The following CHRND variants were observed in gnomAD, a reference collection of about 807,000 sequenced individuals.
CHRND encodes acetylcholine receptor subunit delta.
CHRND carries 40 observed loss-of-function variants against 57.8 expected under a neutral mutation model. The observed-to-expected ratio is 0.69, with a 90% CI of 0.54 to 0.90. CHRND has a LOEUF of 0.90. Among genes scored for constraint, CHRND ranks in the 40% least tolerant of loss-of-function variants. The probability of loss-of-function intolerance (pLI) is 0.00; values close to 1 mark genes in which losing one functional copy is unlikely to be tolerated. For missense variants in CHRND, 634 were observed against 673.9 expected, an observed-to-expected ratio of 0.94 and a Z score of 0.66; for synonymous variants, 237 against 270.6, an observed-to-expected ratio of 0.88 and a Z score of 1.22.
At chr2:232,534,487 C>A (rs186532332) in intron 11 of CHRND, 145 bp downstream of exon 11, 18 of 877,106 alleles carry the variant, frequency 2.1e-5, no homozygotes, top group Non-Finnish European at 3.4e-5. Context: ...CAGGCCCCCC[C>A]GCCAGGGAGA....
chr2:232,526,842 C>T (rs1457552821), intron 2 of CHRND, among the ~76,000 whole-genome samples, 168 bp downstream of exon 2: 1 of 152,226 alleles, frequency 6.6e-6, no homozygotes, highest in Non-Finnish European at 1.5e-5. Context: ...CCTGCCCCTC[C>T]AGTGTCAGCT....
In CHRND at chr2:232,528,361, C is replaced by T; in HGVS notation, c.343C>T (p.Leu115=). 1 of 1,614,130 alleles carries T rather than the reference C, an allele frequency of 6.2e-7. No individual in the cohort carries two copies. The highest frequency in any genetic ancestry group is 8.5e-7 in the Non-Finnish European group (1 of 1,180,000). ...PDMVWLPEIV[L]ENNNDGSFQI... ...CATGGTGTGGCTCCCAGAGATTGTG[C>T]TGGAGAACAAGTTGAGCCAAGCCCT... Residue 115 remains leucine, a synonymous_variant, in exon 4 of 12, where the codon CTG becomes TTG. Transcript: ENST00000258385.
intron 1 of CHRND, 107 bp downstream of exon 1, chr2:232,526,374 G>T (rs1186719029): frequency 6.6e-7 from 1 of 1,516,530 alleles, no homozygotes; most frequent in East Asian, 2.3e-5. Flanking sequence ...ATCTCTCCCT[G>T]TGGGGGGCCG....
At position 232,530,006 on chromosome 2, in the gene CHRND, C is replaced by T; in HGVS notation, c.687C>T (p.Asp229=). ...ACGTGGACCCCAGAGCCCCTCTGGA[C>T]AGCCCCAGCCGCCAGGACATCACCT... ...RVNVDPRAPL[D]SPSRQDITFY... Residue 229 remains aspartate, a synonymous_variant, in exon 7 of 12, where the codon GAC becomes GAT. Transcript: ENST00000258385. 6.2e-7 allele frequency: 1 copy of T among 1,614,170 alleles called. No homozygotes were observed. Among genetic ancestry groups the T allele is most frequent in the Non-Finnish European group, 8.5e-7 (1 of 1,180,032 alleles).
Position 232,528,846 on chromosome 2 carries a change from C to G in CHRND, c.510-16C>G. On this transcript the variant is annotated splice_polypyrimidine_tract_variant and intron_variant, in intron 5 of 11. Coordinates refer to ENST00000258385, the MANE Select transcript of CHRND (RefSeq NM_000751.3). ...CCACTGGCCGAGTGTCACTCTCTGC[C>G]CATTGCCCTCCCCAGTTCCCTCAAG... The G allele has an allele frequency of 3.7e-6, 6 of 1,606,658 alleles. No homozygotes were observed. The highest frequency in any genetic ancestry group is 5.1e-6 in the Non-Finnish European group (6 of 1,173,238).
rs929884989 is a variant in CHRND at position 232,534,221 on chromosome 2, T to C, written c.1253-3T>C. 6.2e-7 allele frequency: 1 copy of C among 1,614,160 alleles called. No homozygotes were observed. Among genetic ancestry groups the C allele is most frequent in the Middle Eastern group, 1.7e-4 (1 of 6,058 alleles). ...CACACCCACTCTGGCCCCTCGTCTG[T>C]AGGCCGGCCCCCAGCAAGCTCTGAG... On this transcript the variant is annotated splice_region_variant and splice_polypyrimidine_tract_variant and intron_variant, in intron 10 of 11. Coordinates refer to ENST00000258385, the MANE Select transcript of CHRND (RefSeq NM_000751.3).
In CHRND at chr2:232,535,379, C is replaced by A; in HGVS notation, c.*67C>A. 6.4e-7 allele frequency: 1 copy of A among 1,573,586 alleles called. No individual in the cohort carries two copies. The highest frequency in any genetic ancestry group is 8.7e-7 in the Non-Finnish European group (1 of 1,154,690). ...GAGGAGCCACAGTCCCTAATGACAC[C>A]CACTCCTAGCCCTGAGGCTCGTGCC... On this transcript the variant is annotated 3_prime_UTR_variant, in exon 12 of 12. Coordinates refer to ENST00000258385, the MANE Select transcript of CHRND (RefSeq NM_000751.3).
chr2:232,527,308 A>AAAAAAG, intron 2 of CHRND, 93 bp from the exon 3 acceptor site: 1 of 1,139,366 alleles, frequency 8.8e-7, no homozygotes, highest in Non-Finnish European at 1.3e-6. Flanking sequence ...CCTGGAAAAA[A>AAAAAAG]AAAGAGAGAG....
chr2:232,534,213 C>G lies in CHRND; in HGVS notation c.1253-11C>G, dbSNP rs764979491. ...GCAGGCCTCACACCCACTCTGGCCC[C>G]TCGTCTGTAGGCCGGCCCCCAGCAA... On this transcript the variant is annotated splice_polypyrimidine_tract_variant and intron_variant, in intron 10 of 11. Coordinates refer to ENST00000258385, the MANE Select transcript of CHRND (RefSeq NM_000751.3). 1.9e-6 allele frequency: 3 copies of G among 1,614,164 alleles called. No homozygotes were observed. Among genetic ancestry groups the G allele is most frequent in the Non-Finnish European group, 2.5e-6 (3 of 1,180,030 alleles).
chr2:232,528,221 T>G (rs1005203401), intron 3 of CHRND, 41 bp from the exon 4 acceptor site: 1 of 1,583,192 alleles, frequency 6.3e-7, no homozygotes, highest in Non-Finnish European at 8.7e-7. Flanking sequence ...GGAGCCTGGA[T>G]GGCTGCAGAG....
chr2:232,527,411 A>C lies in CHRND; in HGVS notation c.209A>C (p.Glu70Ala), dbSNP rs773355463. 7 of 1,613,272 alleles carry C rather than the reference A, an allele frequency of 4.3e-6. No homozygotes were observed. The highest frequency in any genetic ancestry group is 1.7e-5 in the Admixed American group (1 of 59,996). The change falls in exon 3 of 12, where the codon GAG (glutamate) becomes GCG (alanine). Residue 70 changes from glutamate (E) to alanine (A), a missense_variant. Physicochemically the swap from Glu to Ala is moderately radical, Grantham distance 107. Transcript: ENST00000258385. Reference sequence around the variant, plus strand: ...ACCGTCTAATTACAGAAAGAAGTTGAGGAGACCCTCACTACCAATGTGTGG... The same window carrying C: ...ACCGTCTAATTACAGAAAGAAGTTGCGGAGACCCTCACTACCAATGTGTGG... Reference protein sequence around the residue: ...LSNLISLKEVEETLTTNVWIE... With the variant: ...LSNLISLKEVAETLTTNVWIE...
chr2:232,528,473 C>T (rs1270311556), intron 4 of CHRND, 28 bp from the exon 5 acceptor site: 48 of 1,613,980 alleles, frequency 3.0e-5, no homozygotes, highest in Non-Finnish European at 3.9e-5. Context: ...GGCCAGAGCT[C>T]ACTATGGTTC....
intron 9 of CHRND, among the ~76,000 whole-genome samples, chr2:232,533,564 G>A (rs766129831): frequency 6.6e-6 from 1 of 152,146 alleles, no homozygotes; most frequent in Non-Finnish European, 1.5e-5. Context: ...GTTAGGATGT[G>A]TAAAGGTCAC....
At chr2:232,526,764 C>A (rs1691486818) in intron 2 of CHRND, 90 bp downstream of exon 2, 1 of 1,408,948 alleles carries the variant, frequency 7.1e-7, no homozygotes, top group Admixed American at 1.8e-5. Flanking sequence ...GAAGCCCCCA[C>A]CTGGCCTATG....
chr2:232,535,742 C>T lies in CHRND; in HGVS notation c.*430C>T, dbSNP rs1691867850. 1 of 457,270 alleles carries T rather than the reference C, an allele frequency of 2.2e-6. No individual in the cohort carries two copies. The highest frequency in any genetic ancestry group is 4.4e-6 in the Non-Finnish European group (1 of 229,052). The allele number at this position is 457,270 out of a possible 1,614,324, so 28.3% of individuals were successfully genotyped here. A position where few individuals can be genotyped will look rare whatever the true frequency, so the allele number is the denominator to read the frequency against. On this transcript the variant is annotated 3_prime_UTR_variant, in exon 12 of 12. Transcript: ENST00000258385. Reference sequence around the variant, plus strand: ...CTCCCTCTTCCTACCTACCCTTCAACCTCAGGCTTCTGAGGCCTCACCTGG... The same window carrying T: ...CTCCCTCTTCCTACCTACCCTTCAATCTCAGGCTTCTGAGGCCTCACCTGG...
chr2:232,529,892 C>G (rs1387726376), intron 6 of CHRND, 47 bp from the exon 7 acceptor site: 3 of 1,596,814 alleles, frequency 1.9e-6, no homozygotes, highest in Non-Finnish European at 2.6e-6. Flanking sequence ...CCCTGCCTAG[C>G]CCCCTTGGCC....
At chr2:232,534,785 T>C (rs1691826114) in intron 11 of CHRND, among the ~76,000 whole-genome samples, 1 of 152,234 alleles carries the variant, frequency 6.6e-6, no homozygotes. Context: ...GCAGCAGCCC[T>C]GACTTGCTGA....
rs547787086 is a variant in CHRND, at chr2:232,536,220, A to C, written c.*908A>C. 1 of 454,026 alleles carries C rather than the reference A, an allele frequency of 2.2e-6. No homozygotes were observed. Among genetic ancestry groups the C allele is most frequent in the Non-Finnish European group, 4.4e-6 (1 of 226,806 alleles). 28.1% of individuals were successfully genotyped at this position (454,026 alleles called of 1,614,324 possible). ...GGTGGTCCACCTCCAAGATGGCCCC[A>C]GTGATGCCCAGTATTCACACCCTTG... On this transcript the variant is annotated 3_prime_UTR_variant, in exon 12 of 12. Coordinates refer to ENST00000258385, the MANE Select transcript of CHRND (RefSeq NM_000751.3).
intron 7 of CHRND, among the ~76,000 whole-genome samples, chr2:232,530,962 T>C (rs1691668984): frequency 6.6e-6 from 1 of 152,140 alleles, no homozygotes; most frequent in African/African-American, 2.4e-5. Flanking sequence ...CCTGGCACTT[T>C]CTAAGCGGGG....
Sources: allele counts gnomAD v4.1 joint callset (sites outside exome capture counted in the v4.1 genomes callset), GRCh38; gene constraint gnomAD v4.1.1; transcripts MANE v1.5; gene names NCBI Gene and HGNC (gene_info 2026-07-23, HGNC 2026-07-21).